The following FAF1 variants were observed in gnomAD, a reference collection of about 807,000 sequenced individuals.
The protein encoded by FAF1 is Fas associated factor 1, also known as FAS-associated factor 1.
In FAF1, 25 loss-of-function variants were observed where a neutral mutation model predicts 92.5. The ratio of observed to expected loss-of-function variants is 0.27; its 90% CI spans 0.20 to 0.38. The LOEUF (loss-of-function observed/expected upper bound fraction) is 0.38, where lower values mean the gene tolerates loss of function less well. Among genes scored for constraint, FAF1 ranks in the 10% least tolerant of loss-of-function variants. The pLI is 1.00. For missense variants in FAF1, 636 were observed against 793.3 expected (o/e 0.80, Z 2.38); for synonymous variants, 234 against 273.2 (o/e 0.86, Z 1.42).
intron 4 of FAF1, among the ~76,000 whole-genome samples, chr1:50,787,510 C>G (rs1661404883): frequency 6.6e-6 from 1 of 152,182 alleles, no homozygotes; most frequent in South Asian, 2.1e-4. Flanking sequence ...ATATTGTAAA[C>G]AGTGAGCAGC....
intron 8 of FAF1, among the ~76,000 whole-genome samples, chr1:50,637,653 ACTCACTCTGTGG>A (rs1390802570): frequency 1.5e-5 from 2 of 130,760 alleles, no homozygotes; most frequent in Admixed American, 7.7e-5. Context: ...AGGCTCTGTG[ACTCACTCTGTGG>A]CTCACACATA....
intron 18 of FAF1, among the ~76,000 whole-genome samples, chr1:50,463,954 A>G (rs997083148): frequency 6.6e-6 from 1 of 152,198 alleles, no homozygotes; most frequent in African/African-American, 2.4e-5. Context: ...GAAAAAAGTA[A>G]TGTTGAGAGA....
intron 13 of FAF1, among the ~76,000 whole-genome samples, chr1:50,553,524 C>A (rs1450553544): frequency 6.6e-6 from 1 of 152,120 alleles, no homozygotes; most frequent in African/African-American, 2.4e-5. Context: ...TCAACTCAAG[C>A]TGGAAAACAA....
At chr1:50,906,542 T>A (rs985282039) in intron 1 of FAF1, among the ~76,000 whole-genome samples, 1 of 152,230 alleles carries the variant, frequency 6.6e-6, no homozygotes, top group Non-Finnish European at 1.5e-5. Context: ...GTTTGTATCC[T>A]CTTTTAGTTC....
intron 1 of FAF1, among the ~76,000 whole-genome samples, chr1:50,942,846 G>A (rs533908267): frequency 3.4e-4 from 52 of 151,898 alleles, no homozygotes; most frequent in African/African-American, 1.2e-3. Context: ...CATGGATTGC[G>A]TTACGGGAGA....
At chr1:50,495,075 G>A (rs539066896) in intron 15 of FAF1, among the ~76,000 whole-genome samples, 9 of 152,242 alleles carry the variant, frequency 5.9e-5, no homozygotes, top group African/African-American at 1.9e-4. Flanking sequence ...CATGGAAAGT[G>A]GGGTGTCCGT....
At chr1:50,580,791 A>G (rs942973842) in intron 12 of FAF1, among the ~76,000 whole-genome samples, 3 of 152,170 alleles carry the variant, frequency 2.0e-5, no homozygotes, top group Non-Finnish European at 4.4e-5. Context: ...TTTTCCTTCC[A>G]AGAAAGAATA....
chr1:50,852,846 C>T (rs997113423), intron 2 of FAF1, among the ~76,000 whole-genome samples: 1 of 151,974 alleles, frequency 6.6e-6, no homozygotes, highest in East Asian at 1.9e-4. Context: ...ACAAAATAAA[C>T]CCTCAATTAA....
intron 8 of FAF1, among the ~76,000 whole-genome samples, chr1:50,626,883 G>A (rs1653523227): frequency 6.6e-6 from 1 of 152,104 alleles, no homozygotes; most frequent in South Asian, 2.1e-4. Flanking sequence ...GAGATATGTA[G>A]GAGCTAAAAT....
intron 1 of FAF1, among the ~76,000 whole-genome samples, chr1:50,940,562 C>T (rs1278564674): frequency 6.6e-6 from 1 of 152,194 alleles, no homozygotes; most frequent in Non-Finnish European, 1.5e-5. Flanking sequence ...GCCTGGTCTA[C>T]ACCATTATTT....
intron 8 of FAF1, among the ~76,000 whole-genome samples, chr1:50,631,314 G>C (rs1315670923): frequency 6.6e-6 from 1 of 152,096 alleles, no homozygotes; most frequent in Non-Finnish European, 1.5e-5. Flanking sequence ...ATACTAAGTA[G>C]CATGAGGAAA....
At chr1:50,550,514 A>C (rs1649262198) in intron 13 of FAF1, among the ~76,000 whole-genome samples, 1 of 152,170 alleles carries the variant, frequency 6.6e-6, no homozygotes, top group African/African-American at 2.4e-5. Context: ...AGCACTTATT[A>C]AGCTCAATTC....
At chr1:50,643,858 G>A (rs1444989941) in intron 8 of FAF1, among the ~76,000 whole-genome samples, 2 of 152,190 alleles carry the variant, frequency 1.3e-5, no homozygotes, top group Admixed American at 1.3e-4. Flanking sequence ...TTCCCAAAGT[G>A]CTGGGATTAC....
intron 8 of FAF1, among the ~76,000 whole-genome samples, chr1:50,616,518 T>C (rs1652919673): frequency 1.3e-5 from 2 of 152,146 alleles, no homozygotes; most frequent in South Asian, 4.1e-4. Context: ...CTTTCAGCAG[T>C]GTTTTGTAGT....
intron 12 of FAF1, among the ~76,000 whole-genome samples, chr1:50,577,090 A>G (rs2149062924): frequency 6.6e-6 from 1 of 152,276 alleles, no homozygotes; most frequent in African/African-American, 2.4e-5. Context: ...TTTTTGCTCC[A>G]GTAATACCAA....
At chr1:50,902,373 C>T (rs75504961) in intron 1 of FAF1, among the ~76,000 whole-genome samples, 35,000 of 152,052 alleles carry the variant, frequency 0.23, 4,471 homozygotes, top group Middle Eastern at 0.44. Flanking sequence ...TTAAAGAAAA[C>T]ATTTCATTAA....
At chr1:50,636,625 G>C (rs976369721) in intron 8 of FAF1, among the ~76,000 whole-genome samples, 2 of 151,842 alleles carry the variant, frequency 1.3e-5, no homozygotes, top group Non-Finnish European at 2.9e-5. Context: ...CAAAGTGCTG[G>C]GATTACAGGC....
At chr1:50,577,033 C>T (rs1186035185) in intron 12 of FAF1, among the ~76,000 whole-genome samples, 1 of 152,144 alleles carries the variant, frequency 6.6e-6, no homozygotes, top group African/African-American at 2.4e-5. Context: ...TTGGCCCCCA[C>T]TGATTTTATC....
intron 8 of FAF1, among the ~76,000 whole-genome samples, chr1:50,602,643 C>T (rs1652200066): frequency 6.6e-6 from 1 of 151,862 alleles, no homozygotes; most frequent in South Asian, 2.1e-4. Context: ...CCTGGGACTA[C>T]AGGTGCATGC....
Sources: allele counts gnomAD v4.1 joint callset (sites outside exome capture counted in the v4.1 genomes callset), GRCh38; gene constraint gnomAD v4.1.1; transcripts MANE v1.5; gene names NCBI Gene and HGNC (gene_info 2026-07-23, HGNC 2026-07-21).